PACRG: variants seen among roughly 807,000 people sequenced by gnomAD.
PACRG encodes the protein parkin coregulated, also known as parkin coregulated gene protein.
PACRG carries 29 observed loss-of-function variants against 29.7 expected under a neutral mutation model. The observed-to-expected ratio is 0.98, with a 90% CI of 0.73 to 1.33. PACRG has a LOEUF of 1.33. PACRG is among the 40% of genes most tolerant of loss of function. The pLI is 0.00. For synonymous variants in PACRG, 116 were observed against 118.7 expected (o/e 0.98, Z 0.15); for missense variants, 279 against 316.2 (o/e 0.88, Z 0.89).
At chr6:163,149,461 C>T (rs1777982324) in intron 4 of PACRG, among the ~76,000 whole-genome samples, 1 of 152,210 alleles carries the variant, frequency 6.6e-6, no homozygotes, top group Non-Finnish European at 1.5e-5. Context: ...AGAACACGGC[C>T]TTGTGATGAA....
chr6:163,191,758 C>T (rs574156300), intron 4 of PACRG: 88 of 456,396 alleles, frequency 1.9e-4, no homozygotes, highest in Non-Finnish European at 3.3e-4. Context: ...TGACGTCCCT[C>T]TGCCCCCAGG....
At chr6:163,269,759 A>G (rs5020492) in intron 4 of PACRG, among the ~76,000 whole-genome samples, 36,944 of 95,812 alleles carry the variant, frequency 0.39, 9,128 homozygotes, top group African/African-American at 0.49. Context: ...AAAGAGAGAG[A>G]GAGAGACAGA....
chr6:162,765,852 T>C (rs538603634), intron 1 of PACRG, among the ~76,000 whole-genome samples: 42 of 152,312 alleles, frequency 2.8e-4, no homozygotes, highest in Non-Finnish European at 2.5e-4. Flanking sequence ...TAATATTTTA[T>C]ACAATGATTG....
intron 1 of PACRG, among the ~76,000 whole-genome samples, chr6:162,750,595 T>C (rs564917013): frequency 6.6e-6 from 1 of 152,226 alleles, no homozygotes; most frequent in East Asian, 1.9e-4. Flanking sequence ...TAAGATAGTG[T>C]CCACAATGCT....
At chr6:162,982,640 GT>G (rs1802533315) in intron 2 of PACRG, among the ~76,000 whole-genome samples, 1 of 151,872 alleles carries the variant, frequency 6.6e-6, no homozygotes. Context: ...TTAATTTCCA[GT>G]TTTATTCCAC....
chr6:162,801,881 G>A (rs1785911957), intron 1 of PACRG, among the ~76,000 whole-genome samples: 1 of 151,920 alleles, frequency 6.6e-6, no homozygotes, highest in African/African-American at 2.4e-5. Context: ...AGTTGTAAAT[G>A]GACAAATACA....
intron 2 of PACRG, among the ~76,000 whole-genome samples, chr6:162,857,147 G>A (rs1336928727): frequency 6.6e-6 from 1 of 152,160 alleles, no homozygotes; most frequent in African/African-American, 2.4e-5. Flanking sequence ...CAGCCTTTGA[G>A]CTCCGGAATA....
At chr6:163,123,137 A>C (rs1816369175) in intron 4 of PACRG, among the ~76,000 whole-genome samples, 1 of 152,196 alleles carries the variant, frequency 6.6e-6, no homozygotes, top group Admixed American at 6.5e-5. Flanking sequence ...TTATACCTGG[A>C]GGCTGGAGGA....
chr6:162,961,680 T>A (rs1215170893), intron 2 of PACRG, among the ~76,000 whole-genome samples: 1 of 152,204 alleles, frequency 6.6e-6, no homozygotes, highest in Non-Finnish European at 1.5e-5. Flanking sequence ...AGGACTGGAA[T>A]CGATGAGTCA....
chr6:163,248,087 C>G (rs953933893), intron 4 of PACRG, among the ~76,000 whole-genome samples: 3 of 152,158 alleles, frequency 2.0e-5, no homozygotes, highest in African/African-American at 7.2e-5. Flanking sequence ...CCATGCCCCA[C>G]TGAATGGCAA....
intron 3 of PACRG, among the ~76,000 whole-genome samples, chr6:163,078,789 G>A (rs1200566429): frequency 6.6e-6 from 1 of 152,100 alleles, no homozygotes; most frequent in Non-Finnish European, 1.5e-5. Context: ...AAGTTGCCGT[G>A]AAACCCCACT....
chr6:163,068,487 T>A (rs1370468208), intron 3 of PACRG, among the ~76,000 whole-genome samples: 1 of 141,196 alleles, frequency 7.1e-6, no homozygotes, highest in Non-Finnish European at 1.5e-5. Flanking sequence ...TAATGCTTTT[T>A]TTTTTTTTAT....
chr6:163,014,723 A>T (rs1420743788), intron 2 of PACRG, among the ~76,000 whole-genome samples: 1 of 151,958 alleles, frequency 6.6e-6, no homozygotes, highest in African/African-American at 2.4e-5. Context: ...TAATTGTTTA[A>T]GTTCGTTATA....
chr6:162,985,514 T>C (rs1357734793), intron 2 of PACRG, among the ~76,000 whole-genome samples: 2 of 152,070 alleles, frequency 1.3e-5, no homozygotes, highest in African/African-American at 2.4e-5. Context: ...CATCCCTCTA[T>C]GATTAAAACC....
intron 4 of PACRG, among the ~76,000 whole-genome samples, chr6:163,196,199 C>G (rs1422445990): frequency 6.6e-6 from 1 of 152,236 alleles, no homozygotes; most frequent in Admixed American, 6.5e-5. Flanking sequence ...GTGCCCTGCA[C>G]ATGATAAGCA....
intron 2 of PACRG, among the ~76,000 whole-genome samples, chr6:163,021,281 A>G (rs151299362): frequency 0.019 from 2,937 of 152,140 alleles, 86 homozygotes; most frequent in Admixed American, 0.089. Flanking sequence ...GCCCTCTCCC[A>G]TGTTGGCCCC....
intron 4 of PACRG, among the ~76,000 whole-genome samples, chr6:163,259,475 C>T (rs1409614644): frequency 6.6e-6 from 1 of 152,202 alleles, no homozygotes; most frequent in Non-Finnish European, 1.5e-5. Context: ...CTGAACCATA[C>T]TGATTCTAGC....
At chr6:163,063,552 T>C (rs939980119) in intron 3 of PACRG, among the ~76,000 whole-genome samples, 1 of 152,222 alleles carries the variant, frequency 6.6e-6, no homozygotes, top group Non-Finnish European at 1.5e-5. Context: ...TTTTTATTCA[T>C]TCATTCGAAT....
Position 162,944,797 on chromosome 6 carries a change from A to T in PACRG, c.292-117353A>T, listed in dbSNP as rs188125096. ...CAGACAAAAAAAAGGAAAAAGGATT[A>T]AAAAAATGAACAAGGACTTTCTGAC... On this transcript the variant is annotated intron_variant, in intron 2 of 4. Transcript: ENST00000366888. Among the ~76,000 whole-genome samples, 6 of 152,190 alleles carry T rather than the reference A, an allele frequency of 3.9e-5. No individual in the cohort carries two copies. In the East Asian group the frequency reaches 5.8e-4, roughly 15 times the overall value.
Sources: allele counts gnomAD v4.1 joint callset (sites outside exome capture counted in the v4.1 genomes callset), GRCh38; gene constraint gnomAD v4.1.1; transcripts MANE v1.5; gene names NCBI Gene and HGNC (gene_info 2026-07-23, HGNC 2026-07-21).